Variants in YEATS2 observed in about 807,000 individuals in gnomAD.
YEATS2 encodes YEATS domain containing 2, also known as YEATS domain-containing protein 2.
YEATS2 carries 77 observed loss-of-function variants against 163.2 expected under a neutral mutation model. That is an observed-to-expected ratio of 0.47 (90% CI 0.39 to 0.57). The LOEUF is 0.57. YEATS2 is among the 20% of genes least tolerant of loss of function. The pLI, the probability that YEATS2 is intolerant of heterozygous loss-of-function variation, is 0.00. For missense variants in YEATS2, 1,549 were observed against 1,729.8 expected (o/e 0.90, Z 1.85); for synonymous variants, 631 against 645.1 (o/e 0.98, Z 0.33).
Position 183,728,680 on chromosome 3 carries a change from T to A in YEATS2, c.651-10T>A. On this transcript the variant is annotated splice_polypyrimidine_tract_variant and intron_variant, in intron 6 of 30. Coordinates refer to ENST00000305135, the MANE Select transcript of YEATS2 (RefSeq NM_018023.5). Reference sequence around the variant, plus strand: ...AAAAGAATTCAGGTTTCTTTTTTCTTCTTCTCTAGGTATATACCTCCGGAT... The same window carrying A: ...AAAAGAATTCAGGTTTCTTTTTTCTACTTCTCTAGGTATATACCTCCGGAT... The A allele has an allele frequency of 6.5e-7, 1 of 1,549,204 alleles. No homozygotes were observed. The highest frequency in any genetic ancestry group is 8.7e-7 in the Non-Finnish European group (1 of 1,153,800).
chr3:183,790,747 A>G (rs769709016), intron 20 of YEATS2, 50 bp from the exon 21 acceptor site: 2 of 1,587,522 alleles, frequency 1.3e-6, no homozygotes, highest in South Asian at 2.2e-5. Flanking sequence ...GTCAGTCATC[A>G]CTCTGCTTTC....
chr3:183,768,842 T>C (rs1441885809), intron 15 of YEATS2, among the ~76,000 whole-genome samples: 1 of 152,098 alleles, frequency 6.6e-6, no homozygotes, highest in Non-Finnish European at 1.5e-5. Flanking sequence ...TGTGGTGGCG[T>C]GTGCCCATAA....
intron 7 of YEATS2, among the ~76,000 whole-genome samples, chr3:183,730,044 T>TTTTGTTTGTTTGTTTGTTTGTTTGTTTG (rs1232274438): frequency 3.3e-5 from 3 of 89,620 alleles, no homozygotes; most frequent in African/African-American, 1.3e-4. Context: ...TTGTGTGGTT[T>TTTTGTTTGTTTGTTTGTTTGTTTGTTTG]TTTGTTTGTT....
intron 23 of YEATS2, among the ~76,000 whole-genome samples, chr3:183,799,257 A>G (rs1292251375): frequency 6.6e-6 from 1 of 152,262 alleles, no homozygotes; most frequent in Non-Finnish European, 1.5e-5. Flanking sequence ...ATTGCTGTAG[A>G]TAGCAAGCAA....
chr3:183,766,774 A>G (rs534798761), intron 15 of YEATS2, among the ~76,000 whole-genome samples: 234 of 152,230 alleles, frequency 1.5e-3, no homozygotes, highest in African/African-American at 5.3e-3. Context: ...GGCTCCAGCA[A>G]TCCCACCTCA....
At chr3:183,708,160 CTTTTTT>C (rs35605564) in intron 1 of YEATS2, among the ~76,000 whole-genome samples, 5 of 120,918 alleles carry the variant, frequency 4.1e-5, no homozygotes, top group African/African-American at 1.6e-4. Flanking sequence ...GAATTGGCCA[CTTTTTT>C]TTTTTTTTTT....
At chr3:183,733,029 T>C (rs1185411532) in intron 7 of YEATS2, among the ~76,000 whole-genome samples, 2 of 152,024 alleles carry the variant, frequency 1.3e-5, no homozygotes, top group Non-Finnish European at 2.9e-5. Context: ...GTCCAGCTAA[T>C]TTTTTTATCC....
At chr3:183,760,256 G>A (rs2109339407) in intron 13 of YEATS2, among the ~76,000 whole-genome samples, 1 of 150,162 alleles carries the variant, frequency 6.7e-6, no homozygotes, top group East Asian at 2.0e-4. Flanking sequence ...TCCAAATTTT[G>A]ACAGATTACC....
intron 1 of YEATS2, among the ~76,000 whole-genome samples, chr3:183,702,847 G>A (rs1342504076): frequency 6.7e-6 from 1 of 148,202 alleles, no homozygotes; most frequent in Non-Finnish European, 1.5e-5. Context: ...AAAAAAAAAG[G>A]GAATGGTAAA....
intron 27 of YEATS2, among the ~76,000 whole-genome samples, chr3:183,805,737 T>G (rs1726124323): frequency 6.6e-6 from 1 of 151,852 alleles, no homozygotes; most frequent in Non-Finnish European, 1.5e-5. Context: ...TGCAGCGAGC[T>G]GTAATCATGC....
At position 183,756,568 on chromosome 3, in the gene YEATS2, A is replaced by G. The variant is rs1431358019; in HGVS notation, c.1431A>G (p.Arg477=). Residue 477 remains arginine (R), a synonymous_variant, in exon 12 of 31, where the codon CGA becomes CGG. Transcript: ENST00000305135. ...ISTPSPSPLP[R]TPTSTPVHVK... ...CTCCAAGCCCATCACCATTGCCTCG[A>G]ACCCCGACTTCCACTCCAGTCCACG... 4.4e-6 allele frequency: 7 copies of G among 1,604,956 alleles called. No homozygotes were observed. Among genetic ancestry groups the G allele is most frequent in the Non-Finnish European group, 5.1e-6 (6 of 1,176,070 alleles).
chr3:183,778,451 C>T (rs189144145), intron 19 of YEATS2, among the ~76,000 whole-genome samples: 75 of 152,290 alleles, frequency 4.9e-4, no homozygotes, highest in Non-Finnish European at 9.9e-4. Context: ...CAGAATGGGC[C>T]AGTTTCAGCT....
chr3:183,749,185 C>T (rs1180701755), intron 9 of YEATS2, among the ~76,000 whole-genome samples: 1 of 152,096 alleles, frequency 6.6e-6, no homozygotes, highest in Non-Finnish European at 1.5e-5. Context: ...CCTTGTGATC[C>T]GCCCATCTCG....
chr3:183,754,346 G>A lies in YEATS2; in HGVS notation c.1371G>A (p.Met457Ile), dbSNP rs2109302824. ...GAAAATCCTTCCAGCCCATCACCAT[G>A]AGCTGCAAGATTGTGTCAGGTATGC... ...SPGKSFQPIT[M>I]SCKIVSGSPI... The change falls in exon 11 of 31, where the codon ATG becomes ATA. Residue 457 changes from methionine (M) to isoleucine (I), a missense_variant. Coordinates refer to ENST00000305135, the MANE Select transcript of YEATS2 (RefSeq NM_018023.5). 1.9e-6 allele frequency: 3 copies of A among 1,613,786 alleles called. No homozygotes were observed. Among genetic ancestry groups the A allele is most frequent in the Non-Finnish European group, 2.5e-6 (3 of 1,179,762 alleles).
chr3:183,792,156 C>G (rs1353982896), intron 21 of YEATS2, among the ~76,000 whole-genome samples: 1 of 152,100 alleles, frequency 6.6e-6, no homozygotes, highest in African/African-American at 2.4e-5. Context: ...ACTTTAAGTT[C>G]TAGGATACAT....
At chr3:183,803,766 A>G (rs1160788360) in intron 26 of YEATS2, 1 of 567,688 alleles carries the variant, frequency 1.8e-6, no homozygotes, top group African/African-American at 1.9e-5. Flanking sequence ...GACCAGGTGA[A>G]GATCCTTAAA....
At chr3:183,723,236 A>G (rs747896854) in intron 5 of YEATS2, among the ~76,000 whole-genome samples, 4 of 152,212 alleles carry the variant, frequency 2.6e-5, no homozygotes, top group African/African-American at 4.8e-5. Flanking sequence ...GCCAGTTTGT[A>G]ATTTGAGCTC....
rs935286837 is a variant in YEATS2 at position 183,761,585 on chromosome 3, A to T, written c.1735A>T (p.Ile579Leu). Residue 579 changes from isoleucine to leucine, a missense_variant, in exon 14 of 31, where the codon ATA becomes TTA. Coordinates refer to ENST00000305135, the MANE Select transcript of YEATS2 (RefSeq NM_018023.5). ...CCCTAAGGTTCAAAGCCCCAAACCTATAACAGGAGGACTTGGAGCTTTCAC... is the reference window on the plus strand; with the variant it reads ...CCCTAAGGTTCAAAGCCCCAAACCTTTAACAGGAGGACTTGGAGCTTTCAC... ...SHPKVQSPKP[I>L]TGGLGAFTKV... 5.0e-6 allele frequency: 8 copies of T among 1,614,056 alleles called. No individual in the cohort carries two copies. In the African/African-American group the frequency reaches 1.1e-4, roughly 22 times the overall value.
intron 12 of YEATS2, 131 bp downstream of exon 12, chr3:183,756,820 A>G: frequency 2.4e-6 from 2 of 824,494 alleles, no homozygotes; most frequent in Non-Finnish European, 3.3e-6. Flanking sequence ...GAATAAGTAA[A>G]AGGAAAGCCA....
Sources: allele counts gnomAD v4.1 joint callset (sites outside exome capture counted in the v4.1 genomes callset), GRCh38; gene constraint gnomAD v4.1.1; transcripts MANE v1.5; gene names NCBI Gene and HGNC (gene_info 2026-07-23, HGNC 2026-07-21).